The following SNHG17 variants were observed in gnomAD, a reference collection of about 807,000 sequenced individuals.
The protein encoded by SNHG17 is small nucleolar RNA host gene 17, also known as small nucleolar RNA host gene 17 (non-protein coding).
intron 2 of SNHG17, among the ~76,000 whole-genome samples, chr20:38,434,224 G>C (rs978479824): frequency 2.0e-5 from 3 of 152,228 alleles, no homozygotes; most frequent in African/African-American, 7.2e-5. Flanking sequence ...CACGTGGACA[G>C]GCACCGTGGG....
At chr20:38,421,340 T>C (rs755056490) in intron 6 of SNHG17, 1 of 152,240 alleles carries the variant, frequency 6.6e-6, no homozygotes, top group Non-Finnish European at 1.5e-5. Context: ...AATACAGCTT[T>C]CCTAGCCCCA....
chr20:38,426,945 G>C (rs1159776324), intron 3 of SNHG17, among the ~76,000 whole-genome samples: 2 of 147,878 alleles, frequency 1.4e-5, no homozygotes, highest in Non-Finnish European at 3.0e-5. Context: ...CCAGGCCAAT[G>C]ACATGTAAAG....
At chr20:38,426,880 T>C (rs1386978528) in intron 3 of SNHG17, among the ~76,000 whole-genome samples, 1 of 150,438 alleles carries the variant, frequency 6.6e-6, no homozygotes, top group Non-Finnish European at 1.5e-5. Context: ...TGTGCTCCCC[T>C]TGCAGCAATG....
chr20:38,434,731 A>T, intron 1 of SNHG17: 1 of 560,984 alleles, frequency 1.8e-6, no homozygotes, highest in Non-Finnish European at 2.3e-6. Context: ...CATTTAAACC[A>T]CAGCTAACTG....
At chr20:38,435,142 C>G in intron 1 of SNHG17, 1 of 1,232,344 alleles carries the variant, frequency 8.1e-7, no homozygotes, top group Non-Finnish European at 1.0e-6. Context: ...CCCGGGGCCT[C>G]AGTTTCCCCC....
At position 38,422,216 on chromosome 20, in the gene SNHG17, C is replaced by T. The variant is rs886768040; in HGVS notation, n.605G>A. ...TTTCACCTTGCTTCCCCTACATCAT[C>T]CAAGCCCCAGGAACAGCACATGACT... On this transcript the variant is annotated non_coding_transcript_exon_variant, in exon 6 of 9. Transcript: ENST00000654008. 6.6e-5 allele frequency: 10 copies of T among 152,500 alleles called. No individual in the cohort carries two copies. In the East Asian group the frequency reaches 1.9e-3, roughly 29 times the overall value. 9.4% of individuals were successfully genotyped at this position (152,500 alleles called of 1,614,324 possible).
intron 1 of SNHG17, chr20:38,434,790 GA>G (rs779509078): frequency 2.1e-6 from 2 of 948,932 alleles, no homozygotes; most frequent in Non-Finnish European, 1.3e-6. Flanking sequence ...TTATTGAGGG[GA>G]AAACGAGTTA....
intron 2 of SNHG17, among the ~76,000 whole-genome samples, chr20:38,433,128 C>T (rs1280107005): frequency 6.6e-6 from 1 of 152,110 alleles, no homozygotes; most frequent in African/African-American, 2.4e-5. Flanking sequence ...GCGTGTGCCA[C>T]CACACCTAGG....
intron 1 of SNHG17, chr20:38,435,084 G>A (rs1370346746): frequency 8.1e-7 from 1 of 1,232,114 alleles, no homozygotes; most frequent in East Asian, 3.2e-5. Context: ...CGGCAAAGAG[G>A]ACGAGACACT....
intron 2 of SNHG17, chr20:38,432,115 C>T (rs1351324581): frequency 2.0e-6 from 2 of 985,334 alleles, no homozygotes; most frequent in Non-Finnish European, 2.4e-6. Flanking sequence ...ATCTAGACAT[C>T]ACCTGGTCAA....
At chr20:38,425,165 C>A (rs2084225287) in intron 5 of SNHG17, 1 of 510,736 alleles carries the variant, frequency 2.0e-6, no homozygotes, top group Admixed American at 2.0e-5. Flanking sequence ...AACCAGGTAC[C>A]AGGAGGTAAC....
At chr20:38,424,744 G>A (rs535148991) in intron 5 of SNHG17, among the ~76,000 whole-genome samples, 4 of 152,190 alleles carry the variant, frequency 2.6e-5, no homozygotes, top group African/African-American at 9.6e-5. Context: ...CTTCTGGGGG[G>A]AGCTCTAGGA....
intron 2 of SNHG17, among the ~76,000 whole-genome samples, chr20:38,432,631 C>A (rs1467627104): frequency 6.6e-6 from 1 of 152,238 alleles, no homozygotes; most frequent in African/African-American, 2.4e-5. Flanking sequence ...CCCACACAGG[C>A]TGCCTTGCTC....
chr20:38,423,871 A>C (rs2084200562), intron 5 of SNHG17, among the ~76,000 whole-genome samples: 1 of 152,204 alleles, frequency 6.6e-6, no homozygotes, highest in African/African-American at 2.4e-5. Flanking sequence ...ATAGACAATA[A>C]ACATTTTAAA....
intron 3 of SNHG17, chr20:38,428,993 G>T (rs915686680): frequency 3.3e-5 from 5 of 152,234 alleles, no homozygotes; most frequent in African/African-American, 1.2e-4. Context: ...ATCCCACACA[G>T]GTGCTGACTC....
intron 2 of SNHG17, chr20:38,434,060 C>A: frequency 2.0e-6 from 1 of 506,156 alleles, no homozygotes; most frequent in Non-Finnish European, 4.0e-6. Context: ...GAGGGAGGCT[C>A]ACCCCCCAGG....
chr20:38,433,922 G>A (rs775080718), intron 2 of SNHG17: 3 of 519,122 alleles, frequency 5.8e-6, no homozygotes, highest in Non-Finnish European at 1.2e-5. Context: ...ACACGGGGAA[G>A]CACTTTCCGC....
intron 2 of SNHG17, among the ~76,000 whole-genome samples, chr20:38,431,461 C>A (rs1476908583): frequency 2.0e-5 from 3 of 152,196 alleles, no homozygotes; most frequent in Non-Finnish European, 4.4e-5. Context: ...TGAAAAATGG[C>A]CTGAGCCAGG....
At chr20:38,423,416 C>G (rs781341645) in intron 5 of SNHG17, among the ~76,000 whole-genome samples, 53 of 146,010 alleles carry the variant, frequency 3.6e-4, no homozygotes, top group Admixed American at 1.4e-3. Context: ...GACCCTGTCT[C>G]AACCAAAAAA....
Sources: gnomAD v4.1 joint callset for allele counts (sites outside exome capture counted in the v4.1 genomes callset) on GRCh38, gnomAD v4.1.1 for gene constraint, MANE v1.5 for transcripts, NCBI Gene and HGNC (gene_info 2026-07-23, HGNC 2026-07-21) for gene names.